CRACR2A: variants seen among roughly 807,000 people sequenced by gnomAD.
CRACR2A encodes the protein calcium release activated channel regulator 2A.
CRACR2A carries 79 observed loss-of-function variants against 90.5 expected under a neutral mutation model. The observed-to-expected ratio is 0.87, with a 90% CI of 0.73 to 1.05. The LOEUF (loss-of-function observed/expected upper bound fraction) is 1.05, where lower values mean the gene tolerates loss of function less well. CRACR2A is among the 50% of genes least tolerant of loss of function. The pLI is 0.00. For missense variants in CRACR2A, 823 were observed against 897.2 expected (o/e 0.92, Z 1.06); for synonymous variants, 338 against 356.7 (o/e 0.95, Z 0.59).
intron 1 of CRACR2A, among the ~76,000 whole-genome samples, chr12:3,742,872 G>T (rs1946549349): frequency 6.6e-6 from 1 of 152,168 alleles, no homozygotes. Flanking sequence ...CATCTCCTTG[G>T]CAAAAGTTAT....
At chr12:3,659,778 G>C (rs1403541436) in intron 7 of CRACR2A, 124 bp from the exon 8 acceptor site, 1 of 728,892 alleles carries the variant, frequency 1.4e-6, no homozygotes, top group East Asian at 2.6e-5. Context: ...GCATAGGTCA[G>C]GTCAGCCAAC....
intron 18 of CRACR2A, among the ~76,000 whole-genome samples, chr12:3,618,145 C>T (rs990149953): frequency 1.4e-5 from 2 of 147,612 alleles, no homozygotes; most frequent in Non-Finnish European, 3.0e-5. Context: ...ACTTAACTCC[C>T]GAGTCTTAGT....
chr12:3,644,321 C>G (rs1944645777), intron 12 of CRACR2A, among the ~76,000 whole-genome samples: 2 of 152,228 alleles, frequency 1.3e-5, no homozygotes, highest in South Asian at 4.1e-4. Flanking sequence ...ATGGATAGAA[C>G]TATCATTTCT....
At chr12:3,737,275 C>T (rs1946461841) in intron 1 of CRACR2A, among the ~76,000 whole-genome samples, 1 of 152,134 alleles carries the variant, frequency 6.6e-6, no homozygotes, top group Admixed American at 6.6e-5. Flanking sequence ...TCAGGTAGAA[C>T]ACGCTTTTTG....
chr12:3,731,039 G>A (rs1232550588), intron 2 of CRACR2A: 3 of 152,214 alleles, frequency 2.0e-5, no homozygotes, highest in Non-Finnish European at 4.4e-5. Flanking sequence ...TTCACATTAA[G>A]GGCTCCAAAA....
chr12:3,684,038 C>G (rs1357742770), intron 4 of CRACR2A, among the ~76,000 whole-genome samples: 4 of 152,200 alleles, frequency 2.6e-5, no homozygotes, highest in Non-Finnish European at 5.9e-5. Context: ...GCACTCCAGC[C>G]AGGCTCCTTT....
At chr12:3,735,255 GC>G (rs1447856463) in intron 1 of CRACR2A, among the ~76,000 whole-genome samples, 1 of 152,172 alleles carries the variant, frequency 6.6e-6, no homozygotes, top group African/African-American at 2.4e-5. Context: ...GAGCAAGTGA[GC>G]CCAACTCCTG....
At chr12:3,640,906 TTA>T (rs1449548736) in intron 13 of CRACR2A, 6 of 1,057,462 alleles carry the variant, frequency 5.7e-6, no homozygotes, top group Middle Eastern at 7.0e-4. Context: ...ACAAAATGTG[TTA>T]TGTTTGAGTT....
intron 12 of CRACR2A, among the ~76,000 whole-genome samples, chr12:3,642,851 C>T (rs978140884): frequency 6.6e-6 from 1 of 152,170 alleles, no homozygotes; most frequent in African/African-American, 2.4e-5. Flanking sequence ...AAATCTCTCT[C>T]GTTAATTAGC....
chr12:3,725,383 T>C (rs1478641735), intron 2 of CRACR2A, among the ~76,000 whole-genome samples: 3 of 152,190 alleles, frequency 2.0e-5, no homozygotes, highest in Non-Finnish European at 4.4e-5. Context: ...CAGGTGTTCC[T>C]TGGCTTGAGG....
At chr12:3,724,401 T>C (rs1047376205) in intron 2 of CRACR2A, among the ~76,000 whole-genome samples, 3 of 152,230 alleles carry the variant, frequency 2.0e-5, no homozygotes, top group African/African-American at 7.2e-5. Flanking sequence ...TTGCTTAAGT[T>C]TGCAGAAAGT....
intron 3 of CRACR2A, among the ~76,000 whole-genome samples, chr12:3,701,376 TAGAA>T (rs1191974644): frequency 6.6e-6 from 1 of 151,520 alleles, no homozygotes; most frequent in Non-Finnish European, 1.5e-5. Context: ...AAAAATGAAA[TAGAA>T]AGCAGAAAAG....
intron 7 of CRACR2A, among the ~76,000 whole-genome samples, chr12:3,660,355 G>A (rs1425100786): frequency 6.6e-6 from 1 of 152,170 alleles, no homozygotes; most frequent in African/African-American, 2.4e-5. Context: ...AGGCGAGGCT[G>A]GTTGGAGGAT....
At chr12:3,654,492 G>GTGACGGTTCCTGCCTGCCAA in intron 9 of CRACR2A, 93 bp from the exon 10 acceptor site, 4 of 1,304,502 alleles carry the variant, frequency 3.1e-6, no homozygotes, top group Non-Finnish European at 4.1e-6. Context: ...CTGCTTGGCA[G>GTGACGGTTCCTGCCTGCCAA]GCAGGAACCG....
chr12:3,647,431 C>G (rs938498014), intron 11 of CRACR2A, among the ~76,000 whole-genome samples: 1 of 152,096 alleles, frequency 6.6e-6, no homozygotes, highest in African/African-American at 2.4e-5. Flanking sequence ...TGTCATTCTC[C>G]CCTGCTCATT....
chr12:3,726,027 C>T (rs1224416358), intron 2 of CRACR2A: 4 of 152,096 alleles, frequency 2.6e-5, no homozygotes, highest in Admixed American at 1.3e-4. Flanking sequence ...TCCACCCTAT[C>T]CAATCAATGC....
chr12:3,635,279 A>G (rs1362670189), intron 14 of CRACR2A, among the ~76,000 whole-genome samples: 2 of 152,198 alleles, frequency 1.3e-5, no homozygotes, highest in Admixed American at 1.3e-4. Flanking sequence ...CCACAGGACA[A>G]TAAGATGGCT....
intron 3 of CRACR2A, among the ~76,000 whole-genome samples, chr12:3,701,624 T>C (rs139057407): frequency 3.0e-3 from 462 of 152,270 alleles, no homozygotes; most frequent in African/African-American, 9.8e-3. Context: ...CAAGGAGAGA[T>C]AGATTACATG....
intron 7 of CRACR2A, among the ~76,000 whole-genome samples, chr12:3,672,387 A>G (rs1945261579): frequency 6.6e-6 from 1 of 152,250 alleles, no homozygotes; most frequent in Admixed American, 6.5e-5. Flanking sequence ...ATGGAGGAGC[A>G]GGTGGTCTGT....
Sources: gnomAD v4.1 joint callset for allele counts (sites outside exome capture counted in the v4.1 genomes callset) on GRCh38, gnomAD v4.1.1 for gene constraint, MANE v1.5 for transcripts, NCBI Gene and HGNC (gene_info 2026-07-23, HGNC 2026-07-21) for gene names.